Variants in PTPN22 observed in about 807,000 individuals in gnomAD.
The protein encoded by PTPN22 is tyrosine-protein phosphatase non-receptor type 22.
A neutral mutation model predicts 103.3 loss-of-function variants in PTPN22; 85 were observed. That is an observed-to-expected ratio of 0.82 (90% CI 0.69 to 0.99). The LOEUF (loss-of-function observed/expected upper bound fraction) is 0.99. PTPN22 is among the 50% of genes least tolerant of loss of function. The probability of loss-of-function intolerance (pLI) is 0.00; values close to 1 mark genes in which losing one functional copy is unlikely to be tolerated. For missense variants in PTPN22, 865 were observed against 936.9 expected (o/e 0.92, Z 1.00); for synonymous variants, 323 against 310.2 (o/e 1.04, Z -0.43).
intron 14 of PTPN22, 96 bp from the exon 15 acceptor site, chr1:113,834,535 C>G: frequency 7.8e-7 from 1 of 1,279,000 alleles, no homozygotes; most frequent in Admixed American, 1.9e-5. Flanking sequence ...TTGAAAGGAC[C>G]TGAGAAGTAA....
intron 11 of PTPN22, among the ~76,000 whole-genome samples, chr1:113,845,424 A>T (rs1207300007): frequency 6.6e-6 from 1 of 151,936 alleles, no homozygotes; most frequent in Non-Finnish European, 1.5e-5. Context: ...GCTGGTCTCA[A>T]ATTCCTGACC....
chr1:113,859,388 T>G, exon 2 of PTPN22: 3 of 1,613,810 alleles, frequency 1.9e-6, no homozygotes, highest in Non-Finnish European at 2.5e-6. Flanking sequence ...TTCTTGATAT[T>G]CTTGGGCTTC....
intron 19 of PTPN22, among the ~76,000 whole-genome samples, chr1:113,820,629 G>T (rs1261924696): frequency 2.0e-5 from 3 of 152,070 alleles, no homozygotes; most frequent in Non-Finnish European, 4.4e-5. Context: ...CTGCAGTTTT[G>T]AAAACAGTCC....
intron 11 of PTPN22, among the ~76,000 whole-genome samples, chr1:113,845,211 T>C (rs1244291895): frequency 6.6e-6 from 1 of 151,726 alleles, no homozygotes; most frequent in Non-Finnish European, 1.5e-5. Context: ...TTTTTTTTTT[T>C]TTTGAGACAG....
At chr1:113,847,163 C>A (rs1461183327) in intron 11 of PTPN22, among the ~76,000 whole-genome samples, 1 of 147,728 alleles carries the variant, frequency 6.8e-6, no homozygotes, top group Non-Finnish European at 1.5e-5. Context: ...ATCTATTTTG[C>A]TTCAGTTACT....
intron 7 of PTPN22, among the ~76,000 whole-genome samples, chr1:113,855,620 G>A (rs1664987896): frequency 2.0e-5 from 3 of 151,820 alleles, no homozygotes; most frequent in African/African-American, 2.4e-5. Flanking sequence ...GGCATACTAA[G>A]TTGTATCTAT....
At chr1:113,834,838 G>T in intron 14 of PTPN22, 72 bp downstream of exon 14, 2 of 1,226,498 alleles carry the variant, frequency 1.6e-6, no homozygotes, top group Middle Eastern at 3.8e-4. Flanking sequence ...GCTTCCCAAA[G>T]TGCTGGAATT....
Position 113,860,500 on chromosome 1 carries a change from G to A in PTPN22, c.88-1040C>T, listed in dbSNP as rs145516859. Among the ~76,000 whole-genome samples the A allele has an allele frequency of 3.3e-5, 5 of 152,268 alleles. No homozygotes were observed. The East Asian group carries it at 9.6e-4, about 29-fold the overall frequency. ...TCTGGATTTTCAGAACTGGATTTGA[G>A]AGGAGAGATACTGAACTGATATCTT... On this transcript the variant is annotated intron_variant, in intron 1 of 20. Transcript: ENST00000359785.
chr1:113,860,353 T>C (rs1212563451), intron 1 of PTPN22, among the ~76,000 whole-genome samples: 3 of 152,190 alleles, frequency 2.0e-5, no homozygotes, highest in Non-Finnish European at 2.9e-5. Context: ...TAGATATGTA[T>C]GTATAGGTAA....
intron 20 of PTPN22, 78 bp from the exon 21 acceptor site, chr1:113,815,047 T>C: frequency 9.6e-7 from 1 of 1,038,224 alleles, no homozygotes; most frequent in African/African-American, 1.6e-5. Context: ...TAGAGTATAT[T>C]ATAATATATG....
At chr1:113,834,112 T>C (rs1396249578) in intron 15 of PTPN22, among the ~76,000 whole-genome samples, 197 bp downstream of exon 15, 1 of 152,228 alleles carries the variant, frequency 6.6e-6, no homozygotes, top group Non-Finnish European at 1.5e-5. Context: ...ACATCCTATA[T>C]CTCTACTACT....
intron 7 of PTPN22, 100 bp downstream of exon 7, chr1:113,856,282 A>G (rs541744429): frequency 5.0e-6 from 7 of 1,409,760 alleles, no homozygotes; most frequent in Non-Finnish European, 6.5e-6. Flanking sequence ...AGACCCTACC[A>G]CTTCCCATTG....
At chr1:113,833,054 G>T in intron 16 of PTPN22, 57 bp downstream of exon 16, 1 of 1,474,444 alleles carries the variant, frequency 6.8e-7, no homozygotes, top group Non-Finnish European at 9.4e-7. Context: ...TAAACTTAAC[G>T]AACCATTCTT....
chr1:113,814,782 C>G, exon 21 of PTPN22: 1 of 796,324 alleles, frequency 1.3e-6, no homozygotes, highest in Non-Finnish European at 2.1e-6. Flanking sequence ...AAGCTATTAA[C>G]ACATTAGCAT....
At chr1:113,829,593 T>C in exon 18 of PTPN22, 1 of 1,569,656 alleles carries the variant, frequency 6.4e-7, no homozygotes, top group African/African-American at 1.4e-5. Flanking sequence ...CTTCTTTACC[T>C]TACTCCTTGT....
In PTPN22 at chr1:113,856,633, CAG is replaced by C; in HGVS notation, c.409-16_409-15del. On this transcript the variant is annotated splice_polypyrimidine_tract_variant and intron_variant, in intron 5 of 20. Coordinates refer to ENST00000359785, the Ensembl canonical transcript of PTPN22. ...CTCACACTTTTTCTGTTGCACAAAGCAGAATACAGTGATTTCCCTCCATATAT... is the reference window on the plus strand; with the variant it reads ...CTCACACTTTTTCTGTTGCACAAAGCAATACAGTGATTTCCCTCCATATAT... 1 of 1,614,160 alleles carries C rather than the reference CAG, an allele frequency of 6.2e-7. No homozygotes were observed. Among genetic ancestry groups the C allele is most frequent in the South Asian group, 1.1e-5 (1 of 91,086 alleles).
chr1:113,870,100 A>G (rs1666454242), intron 1 of PTPN22, among the ~76,000 whole-genome samples: 2 of 152,214 alleles, frequency 1.3e-5, no homozygotes, highest in African/African-American at 2.4e-5. Flanking sequence ...CTGTATTTTT[A>G]GTGCTTAGAA....
At chr1:113,849,589 TATTTA>T (rs756316447) in intron 10 of PTPN22, among the ~76,000 whole-genome samples, 10 of 118,298 alleles carry the variant, frequency 8.5e-5, no homozygotes, top group African/African-American at 2.6e-4. Context: ...TTTATTTATT[TATTTA>T]TTTTTTTTTT....
chr1:113,825,541 G>A (rs759250705), intron 18 of PTPN22, among the ~76,000 whole-genome samples: 27 of 151,960 alleles, frequency 1.8e-4, no homozygotes, highest in Non-Finnish European at 3.5e-4. Context: ...CCTACAAAAA[G>A]TAAAAAAAAT....
Sources: allele counts gnomAD v4.1 joint callset (sites outside exome capture counted in the v4.1 genomes callset), GRCh38; gene constraint gnomAD v4.1.1; transcripts MANE v1.5; gene names NCBI Gene and HGNC (gene_info 2026-07-23, HGNC 2026-07-21).